Variants in EPHA3 observed in about 807,000 individuals in gnomAD.
The protein encoded by EPHA3 is ephrin type-A receptor 3.
In EPHA3, 42 loss-of-function variants were observed where a neutral mutation model predicts 107.1. The ratio of observed to expected loss-of-function variants is 0.39; its 90% CI spans 0.31 to 0.51. EPHA3 has a LOEUF of 0.51. Ranked by LOEUF, EPHA3 falls within the 20% of genes least tolerant of loss-of-function variation. The pLI, the probability that EPHA3 is intolerant of heterozygous loss-of-function variation, is 0.78. For synonymous variants in EPHA3, 461 were observed against 424.8 expected, an observed-to-expected ratio of 1.09 and a Z score of -1.05; for missense variants, 1,183 against 1,211.2, an observed-to-expected ratio of 0.98 and a Z score of 0.35.
At chr3:89,476,385 T>C (rs371675283) in intron 16 of EPHA3, among the ~76,000 whole-genome samples, 3 of 148,464 alleles carry the variant, frequency 2.0e-5, no homozygotes, top group African/African-American at 7.3e-5. Context: ...CATTTTTTTT[T>C]CCAGCCACTT....
intron 3 of EPHA3, among the ~76,000 whole-genome samples, chr3:89,308,174 A>G (rs1470271226): frequency 1.3e-5 from 2 of 152,142 alleles, no homozygotes; most frequent in African/African-American, 4.8e-5. Flanking sequence ...GAAGGATAAA[A>G]TGGTATTAAG....
At chr3:89,444,060 G>A (rs946607707) in intron 13 of EPHA3, among the ~76,000 whole-genome samples, 3 of 152,166 alleles carry the variant, frequency 2.0e-5, no homozygotes, top group Non-Finnish European at 4.4e-5. Flanking sequence ...ATACTACAGA[G>A]AGCAAGAAAA....
intron 15 of EPHA3, among the ~76,000 whole-genome samples, chr3:89,460,823 C>CTCTTTTTGTTTTTTTTT (rs1199238290): frequency 9.7e-6 from 1 of 103,034 alleles, no homozygotes; most frequent in African/African-American, 3.7e-5. Context: ...CTCTGTCTCT[C>CTCTTTTTGTTTTTTTTT]TTTTTTTTTT....
At chr3:89,391,347 T>G (rs1297721446) in intron 5 of EPHA3, among the ~76,000 whole-genome samples, 1 of 152,012 alleles carries the variant, frequency 6.6e-6, no homozygotes, top group East Asian at 1.9e-4. Flanking sequence ...CCCTCCCTCT[T>G]AGTCTTAACT....
chr3:89,293,145 T>C (rs988787382), intron 3 of EPHA3, among the ~76,000 whole-genome samples: 2 of 152,182 alleles, frequency 1.3e-5, no homozygotes, highest in African/African-American at 2.4e-5. Context: ...CATATTTTCT[T>C]TGGTGAAGAG....
chr3:89,321,159 T>C (rs1707034749), intron 3 of EPHA3, among the ~76,000 whole-genome samples: 1 of 151,966 alleles, frequency 6.6e-6, no homozygotes, highest in Admixed American at 6.6e-5. Context: ...AACAATTTGT[T>C]AGCTTTTTTT....
chr3:89,167,370 C>A (rs1391688357), intron 2 of EPHA3, among the ~76,000 whole-genome samples: 1 of 151,690 alleles, frequency 6.6e-6, no homozygotes, highest in Non-Finnish European at 1.5e-5. Flanking sequence ...ATTTTCTATT[C>A]TTTCAATAAG....
intron 16 of EPHA3, among the ~76,000 whole-genome samples, chr3:89,473,239 T>A (rs1033121729): frequency 4.6e-5 from 7 of 152,208 alleles, no homozygotes; most frequent in African/African-American, 1.7e-4. Flanking sequence ...AGAAAAAATA[T>A]GCGTCATAAT....
At chr3:89,201,084 G>C (rs1457767846) in intron 2 of EPHA3, among the ~76,000 whole-genome samples, 1 of 152,186 alleles carries the variant, frequency 6.6e-6, no homozygotes, top group African/African-American at 2.4e-5. Context: ...TCTGCAAGCT[G>C]TACAGGAAGC....
intron 3 of EPHA3, among the ~76,000 whole-genome samples, chr3:89,306,052 A>G (rs1706613469): frequency 6.6e-6 from 1 of 152,104 alleles, no homozygotes; most frequent in Non-Finnish European, 1.5e-5. Context: ...CGTCATCATC[A>G]TCATCATTAC....
intron 2 of EPHA3, among the ~76,000 whole-genome samples, chr3:89,141,543 T>C (rs1304844444): frequency 6.6e-6 from 1 of 151,650 alleles, no homozygotes; most frequent in East Asian, 1.9e-4. Flanking sequence ...CAGAACCATC[T>C]GAAGGATACC....
chr3:89,228,524 G>T (rs1196578308), intron 3 of EPHA3, among the ~76,000 whole-genome samples: 3 of 151,842 alleles, frequency 2.0e-5, no homozygotes, highest in Non-Finnish European at 2.9e-5. Flanking sequence ...TTTGTGTGTA[G>T]AATAATTATA....
At chr3:89,309,437 G>A (rs1333859512) in intron 3 of EPHA3, among the ~76,000 whole-genome samples, 13 of 152,108 alleles carry the variant, frequency 8.5e-5, no homozygotes, top group Admixed American at 8.5e-4. Context: ...TCTAACATGT[G>A]AGAAGTAGAG....
intron 2 of EPHA3, among the ~76,000 whole-genome samples, chr3:89,176,046 A>C (rs1427988665): frequency 2.0e-5 from 3 of 152,176 alleles, no homozygotes; most frequent in Non-Finnish European, 4.4e-5. Context: ...ACTTTAATAT[A>C]GAATCTGAAG....
chr3:89,372,581 A>G (rs1333744183), intron 5 of EPHA3, among the ~76,000 whole-genome samples: 4 of 151,780 alleles, frequency 2.6e-5, no homozygotes, highest in Non-Finnish European at 5.9e-5. Flanking sequence ...AACCTATGAA[A>G]GAGAAAGGAA....
intron 3 of EPHA3, among the ~76,000 whole-genome samples, chr3:89,289,975 C>T (rs1706174716): frequency 6.6e-6 from 1 of 152,060 alleles, no homozygotes; most frequent in African/African-American, 2.4e-5. Context: ...TCAGAGGTAC[C>T]TAATGTAACA....
intron 13 of EPHA3, 123 bp downstream of exon 13, chr3:89,431,482 C>T (rs2107537443): frequency 1.5e-6 from 1 of 676,814 alleles, no homozygotes; most frequent in Admixed American, 3.4e-5. Flanking sequence ...CAATAGAAAA[C>T]ATATCTTAAA....
intron 3 of EPHA3, among the ~76,000 whole-genome samples, chr3:89,213,133 G>A (rs1464750131): frequency 6.6e-6 from 1 of 151,964 alleles, no homozygotes; most frequent in Non-Finnish European, 1.5e-5. Flanking sequence ...CACCTACTAA[G>A]TCTGTGTGCA....
chr3:89,237,140 T>A (rs1045097978), intron 3 of EPHA3, among the ~76,000 whole-genome samples: 15 of 152,210 alleles, frequency 9.9e-5, no homozygotes, highest in Non-Finnish European at 2.1e-4. Flanking sequence ...GGCGGTTGGA[T>A]CACTTGAGGC....
Sources: allele counts gnomAD v4.1 joint callset (sites outside exome capture counted in the v4.1 genomes callset), GRCh38; gene constraint gnomAD v4.1.1; transcripts MANE v1.5; gene names NCBI Gene and HGNC (gene_info 2026-07-23, HGNC 2026-07-21).